PIP5K1C: variants seen among roughly 807,000 people sequenced by gnomAD.
PIP5K1C encodes the protein phosphatidylinositol 4-phosphate 5-kinase type-1 gamma.
Under a neutral mutation model 80.1 loss-of-function variants are expected in PIP5K1C, and 45 were observed. That is an observed-to-expected ratio of 0.56 (90% CI 0.44 to 0.72). PIP5K1C has a LOEUF of 0.72. PIP5K1C is among the 30% of genes least tolerant of loss of function. The pLI, the probability that PIP5K1C is intolerant of heterozygous loss-of-function variation, is 0.00. For missense variants in PIP5K1C, 753 were observed against 954.6 expected (o/e 0.79, Z 2.78); for synonymous variants, 498 against 420.1 (o/e 1.19, Z -2.27).
chr19:3,671,823 C>T (rs927464695), intron 1 of PIP5K1C, among the ~76,000 whole-genome samples: 1 of 152,234 alleles, frequency 6.6e-6, no homozygotes, highest in South Asian at 2.1e-4. Flanking sequence ...CAGAGCCTGC[C>T]GTGACCCCCA....
At position 3,679,332 on chromosome 19, in the gene PIP5K1C, G is replaced by T. The variant is rs377472676; in HGVS notation, c.95-11979C>A. 3.9e-3 allele frequency among the ~76,000 whole-genome samples: 601 copies of T among 152,300 alleles called. 8 individuals are homozygous for T. The highest frequency in any genetic ancestry group is 0.014 in the African/African-American group (570 of 41,552). ...CTTTGAGGGGCATGTTCCTGCCTCA[G>T]GGGCCTTGCGCGTGCTGCGCCTGTG... is the stretch of plus-strand genomic sequence containing the variant. On this transcript the variant is annotated intron_variant, in intron 1 of 17. Coordinates refer to ENST00000335312, the MANE Select transcript of PIP5K1C (RefSeq NM_012398.3).
At chr19:3,642,147 G>A (rs1011285134) in intron 14 of PIP5K1C, among the ~76,000 whole-genome samples, 1 of 152,210 alleles carries the variant, frequency 6.6e-6, no homozygotes, top group East Asian at 1.9e-4. Flanking sequence ...TGTCCCGGCC[G>A]CCGGGCCTGG....
chr19:3,647,024 G>A (rs969617765), intron 10 of PIP5K1C, among the ~76,000 whole-genome samples: 7 of 137,118 alleles, frequency 5.1e-5, no homozygotes, highest in Admixed American at 2.2e-4. Context: ...CACAGAGGGA[G>A]GAGGGATGGG....
At position 3,645,981 on chromosome 19, in the gene PIP5K1C, C is replaced by A. The variant is rs1312141415; in HGVS notation, c.1338G>T (p.Lys446Asn). 6.2e-7 allele frequency: 1 copy of A among 1,613,266 alleles called. No individual in the cohort carries two copies. The highest frequency in any genetic ancestry group is 8.5e-7 in the Non-Finnish European group (1 of 1,179,690). ...GGGGCTCAGGTGGCTTACAGGAGTT[C>A]TTCCGAAAGACCGTGTTGCTCATGA... ...FKFMSNTVFRKNSSLKSSPSK... is the reference protein window; with the variant it reads ...FKFMSNTVFRNNSSLKSSPSK... Residue 446 changes from lysine to asparagine, a missense_variant, in exon 11 of 18, where the codon AAG (lysine) becomes AAT (asparagine). Coordinates refer to ENST00000335312, the MANE Select transcript of PIP5K1C (RefSeq NM_012398.3).
intron 16 of PIP5K1C, 64 bp from the exon 17 acceptor site, chr19:3,633,584 G>T: frequency 9.0e-7 from 1 of 1,109,992 alleles, no homozygotes; most frequent in Non-Finnish European, 1.2e-6. Context: ...TGCAAGAGAG[G>T]CAGAGGGAGG....
Position 3,681,541 on chromosome 19 carries a change from C to T in PIP5K1C, c.95-14188G>A, listed in dbSNP as rs1470943367. On this transcript the variant is annotated intron_variant, in intron 1 of 17. Transcript: ENST00000335312. Reference sequence around the variant, plus strand: ...GCCACCGCGCCTGGCCCACTTTTGTCTTTTGTTTGAAGTTCCCTGTAATAA... The same window carrying T: ...GCCACCGCGCCTGGCCCACTTTTGTTTTTTGTTTGAAGTTCCCTGTAATAA... Among the ~76,000 whole-genome samples the T allele has an allele frequency of 2.0e-5, 3 of 152,002 alleles. No individual in the cohort carries two copies. The East Asian group carries it at 5.8e-4, about 29-fold the overall frequency.
intron 1 of PIP5K1C, among the ~76,000 whole-genome samples, chr19:3,669,451 G>A (rs536658604): frequency 2.0e-5 from 3 of 152,338 alleles, no homozygotes; most frequent in South Asian, 2.1e-4. Context: ...CGGTGCAGAC[G>A]GGGGCCGTCA....
chr19:3,642,263 G>T (rs910216597), intron 14 of PIP5K1C, among the ~76,000 whole-genome samples: 1 of 152,236 alleles, frequency 6.6e-6, no homozygotes. Flanking sequence ...ATTAAAACAC[G>T]GTTAAGAAAA....
intron 13 of PIP5K1C, 137 bp from the exon 14 acceptor site, chr19:3,643,076 C>T: frequency 2.1e-6 from 3 of 1,460,630 alleles, no homozygotes; most frequent in Non-Finnish European, 2.9e-6. Flanking sequence ...CCCTCCCACA[C>T]ATTGGATGCT....
At chr19:3,634,076 G>A (rs117597254) in intron 16 of PIP5K1C, among the ~76,000 whole-genome samples, 20 of 152,116 alleles carry the variant, frequency 1.3e-4, no homozygotes, top group East Asian at 2.0e-4. Flanking sequence ...ACTGAGGCTC[G>A]GACCACCCAC....
At chr19:3,645,253 C>T (rs1477930467) in intron 11 of PIP5K1C, among the ~76,000 whole-genome samples, 1 of 152,240 alleles carries the variant, frequency 6.6e-6, no homozygotes, top group African/African-American at 2.4e-5. Flanking sequence ...CTCTGTGGGC[C>T]AGGCCTGTGC....
chr19:3,664,805 A>C lies in PIP5K1C; in HGVS notation c.219+17T>G. 7 of 1,599,378 alleles carry C rather than the reference A, an allele frequency of 4.4e-6. No homozygotes were observed. Among genetic ancestry groups the C allele is most frequent in the Non-Finnish European group, 6.0e-6 (7 of 1,167,506 alleles). The stretch of plus-strand genomic sequence containing the variant: ...TCTGTCCCGCTCCCTCCAGCCAGCT[A>C]AGGGGAGCCGAGGAACCTTCTTGTA... On this transcript the variant is annotated intron_variant, in intron 3 of 17. Coordinates refer to ENST00000335312, the MANE Select transcript of PIP5K1C (RefSeq NM_012398.3).
intron 1 of PIP5K1C, among the ~76,000 whole-genome samples, chr19:3,678,025 G>A (rs1264540078): frequency 3.8e-5 from 4 of 104,760 alleles, no homozygotes; most frequent in Admixed American, 8.3e-5. Flanking sequence ...ATGGAGAGAC[G>A]GAGGGATGGA....
In PIP5K1C at chr19:3,633,139, CG is replaced by C. The variant is rs1568303518; in HGVS notation, c.*27del. The C allele has an allele frequency of 5.3e-6, 4 of 757,092 alleles. No homozygotes were observed. Among genetic ancestry groups the C allele is most frequent in the East Asian group, 5.1e-5 (2 of 39,578 alleles). The allele number at this position is 757,092 out of a possible 1,614,324, so 46.9% of individuals were successfully genotyped here. A position where few individuals can be genotyped will look rare whatever the true frequency, so the allele number is the denominator to read the frequency against. ...GGGCAGCCGGAGCAGAAGTGGAGCT[CG>C]GCTCTGGGTCGGGGGCTGCATAGAA... On this transcript the variant is annotated 3_prime_UTR_variant, in exon 18 of 18. Coordinates refer to ENST00000335312, the MANE Select transcript of PIP5K1C (RefSeq NM_012398.3).
At chr19:3,644,883 C>G (rs558038711) in intron 11 of PIP5K1C, among the ~76,000 whole-genome samples, 2 of 152,356 alleles carry the variant, frequency 1.3e-5, no homozygotes, top group Admixed American at 1.3e-4. Flanking sequence ...CACACAGCTC[C>G]TGGTAAACAG....
intron 1 of PIP5K1C, chr19:3,669,557 G>A (rs1274770222): frequency 6.6e-6 from 1 of 152,280 alleles, no homozygotes; most frequent in African/African-American, 2.4e-5. Context: ...GCCTTACAAA[G>A]CCAGCAAAGA....
chr19:3,646,328 T>TA (rs1277110730), intron 10 of PIP5K1C, among the ~76,000 whole-genome samples: 6 of 152,110 alleles, frequency 3.9e-5, no homozygotes, highest in Non-Finnish European at 8.8e-5. Flanking sequence ...ACCAGCTGAA[T>TA]AAAGTATTCC....
At chr19:3,687,079 G>A (rs2035783081) in intron 1 of PIP5K1C, among the ~76,000 whole-genome samples, 1 of 152,178 alleles carries the variant, frequency 6.6e-6, no homozygotes, top group Non-Finnish European at 1.5e-5. Flanking sequence ...TATAATCCCA[G>A]CTACTCTGGA....
chr19:3,650,423 G>A (rs1225419321), intron 8 of PIP5K1C, among the ~76,000 whole-genome samples: 1 of 152,256 alleles, frequency 6.6e-6, no homozygotes, highest in Non-Finnish European at 1.5e-5. Flanking sequence ...TCTCAGCACT[G>A]CTATACGACA....
Sources: gnomAD v4.1 joint callset for allele counts (sites outside exome capture counted in the v4.1 genomes callset) on GRCh38, gnomAD v4.1.1 for gene constraint, MANE v1.5 for transcripts, NCBI Gene and HGNC (gene_info 2026-07-23, HGNC 2026-07-21) for gene names.